Variants in PCDH9 observed in about 807,000 individuals in gnomAD.
PCDH9 encodes protocadherin-9.
Under a neutral mutation model 70.6 loss-of-function variants are expected in PCDH9, and 24 were observed. That is an observed-to-expected ratio of 0.34 (90% confidence interval 0.25 to 0.48). The LOEUF (loss-of-function observed/expected upper bound fraction) is 0.48, where lower values mean the gene tolerates loss of function less well. PCDH9 is among the 20% of genes least tolerant of loss of function. PCDH9 has a pLI of 0.99. For synonymous variants in PCDH9, 562 were observed against 558.5 expected (o/e 1.01, Z -0.09); for missense variants, 1,281 against 1,503.6 (o/e 0.85, Z 2.45).
In PCDH9 at chr13:66,874,183, T is replaced by G. The variant is rs144898509; in HGVS notation, c.3138+29321A>C. Among the ~76,000 whole-genome samples, 165 of 152,272 alleles carry G rather than the reference T, an allele frequency of 1.1e-3. 3 individuals are homozygous for G. The East Asian group carries it at 0.03, about 27-fold the overall frequency. ...ACATCCTGAGCATTTCTTAATCTGA[T>G]GTAAGAGAATATTATCATTTTCAGT... On this transcript the variant is annotated intron_variant, in intron 3 of 4. Transcript: ENST00000377865.
chr13:67,046,792 G>A (rs1439921951), intron 2 of PCDH9, among the ~76,000 whole-genome samples: 1 of 151,804 alleles, frequency 6.6e-6, no homozygotes, highest in Non-Finnish European at 1.5e-5. Context: ...CTGAGGAGGA[G>A]AAAATATAAA....
chr13:66,618,901 A>C (rs537271654), intron 4 of PCDH9, among the ~76,000 whole-genome samples: 1 of 152,296 alleles, frequency 6.6e-6, no homozygotes, highest in South Asian at 2.1e-4. Context: ...CATTACCCTT[A>C]CTTTACACTA....
chr13:66,340,736 A>G (rs561310132), intron 4 of PCDH9, among the ~76,000 whole-genome samples: 159 of 152,344 alleles, frequency 1.0e-3, no homozygotes, highest in African/African-American at 3.7e-3. Context: ...TTATACAAAG[A>G]GGTGAGGTGT....
At chr13:66,965,350 C>CTG (rs1349382771) in intron 2 of PCDH9, among the ~76,000 whole-genome samples, 1 of 152,072 alleles carries the variant, frequency 6.6e-6, no homozygotes, top group African/African-American at 2.4e-5. Context: ...ATTTCAACAT[C>CTG]TGTTCTCATT....
rs576330612 is a variant in PCDH9, at chr13:66,983,163, G to A, written c.3037-79558C>T. ...GTTGATCTGTGCAGCAAATCACCAC[G>A]GCAGACGTTTACCTATGTAAAAAAA... On this transcript the variant is annotated intron_variant, in intron 2 of 4. Transcript: ENST00000377865. Among the ~76,000 whole-genome samples the A allele has an allele frequency of 3.3e-5, 5 of 151,998 alleles. No homozygotes were observed. The South Asian group carries it at 6.3e-4, about 19-fold the overall frequency.
chr13:66,755,311 T>C (rs1257700529), intron 3 of PCDH9, among the ~76,000 whole-genome samples: 2 of 152,164 alleles, frequency 1.3e-5, no homozygotes, highest in Non-Finnish European at 2.9e-5. Context: ...AGTTAGTGTA[T>C]TGTAAACACT....
At chr13:66,344,389 G>C (rs1956180383) in intron 4 of PCDH9, among the ~76,000 whole-genome samples, 1 of 152,160 alleles carries the variant, frequency 6.6e-6, no homozygotes, top group South Asian at 2.1e-4. Context: ...GCCTCCCAAA[G>C]TGCTGGGATT....
chr13:67,036,593 G>GA (rs1211071171), intron 2 of PCDH9, among the ~76,000 whole-genome samples: 5 of 152,116 alleles, frequency 3.3e-5, no homozygotes, highest in Non-Finnish European at 5.9e-5. Context: ...CAGGTTTTTT[G>GA]ACATGTTGTT....
intron 4 of PCDH9, among the ~76,000 whole-genome samples, chr13:66,481,957 CA>C (rs563418871): frequency 8.8e-4 from 134 of 152,174 alleles, no homozygotes; most frequent in African/African-American, 3.2e-3. Context: ...CACACACACA[CA>C]CACACACAAA....
chr13:66,891,825 T>C (rs1276320843), intron 3 of PCDH9, among the ~76,000 whole-genome samples: 1 of 152,030 alleles, frequency 6.6e-6, no homozygotes, highest in African/African-American at 2.4e-5. Flanking sequence ...CATTTTTTTT[T>C]TGTTTTGTTT....
intron 2 of PCDH9, among the ~76,000 whole-genome samples, chr13:67,169,923 A>G (rs1009868589): frequency 6.6e-5 from 10 of 152,182 alleles, no homozygotes; most frequent in African/African-American, 2.4e-4. Flanking sequence ...CTGGCAATAC[A>G]TCCAGCTCCT....
At chr13:66,567,666 C>T (rs2076672993) in intron 4 of PCDH9, among the ~76,000 whole-genome samples, 1 of 152,168 alleles carries the variant, frequency 6.6e-6, no homozygotes, top group Non-Finnish European at 1.5e-5. Context: ...ACACAGCTTA[C>T]CACCATTATC....
chr13:66,783,015 T>C (rs2080024267), intron 3 of PCDH9, among the ~76,000 whole-genome samples: 1 of 152,208 alleles, frequency 6.6e-6, no homozygotes, highest in Admixed American at 6.6e-5. Context: ...AAGGCAGGTC[T>C]ACAGCTAGAA....
At chr13:66,420,120 T>C (rs1957537678) in intron 4 of PCDH9, among the ~76,000 whole-genome samples, 1 of 152,146 alleles carries the variant, frequency 6.6e-6, no homozygotes, top group African/African-American at 2.4e-5. Flanking sequence ...ACTGCCTCTC[T>C]AGATTCCTCC....
intron 2 of PCDH9, among the ~76,000 whole-genome samples, chr13:66,970,288 G>A (rs2139745461): frequency 6.6e-6 from 1 of 151,942 alleles, no homozygotes. Context: ...GGGTCTTCGT[G>A]CATACTGAGA....
At chr13:66,317,944 T>G (rs544614967) in intron 4 of PCDH9, among the ~76,000 whole-genome samples, 1 of 152,094 alleles carries the variant, frequency 6.6e-6, no homozygotes, top group South Asian at 2.1e-4. Flanking sequence ...CAGCTGTACA[T>G]AAAGAAAAAC....
At chr13:66,597,009 A>G (rs1317201281) in intron 4 of PCDH9, among the ~76,000 whole-genome samples, 1 of 151,542 alleles carries the variant, frequency 6.6e-6, no homozygotes, top group Non-Finnish European at 1.5e-5. Context: ...TGGATATCCA[A>G]TTGACTTAGT....
chr13:67,063,921 G>A (rs777906728), intron 2 of PCDH9, among the ~76,000 whole-genome samples: 1 of 152,146 alleles, frequency 6.6e-6, no homozygotes, highest in Non-Finnish European at 1.5e-5. Context: ...CAAGAGTCCA[G>A]CCTATAGGAA....
intron 4 of PCDH9, among the ~76,000 whole-genome samples, chr13:66,578,664 C>T (rs2076848593): frequency 6.6e-6 from 1 of 152,054 alleles, no homozygotes; most frequent in African/African-American, 2.4e-5. Flanking sequence ...TCCAATAGTT[C>T]ATGCATTAAG....
Sources: allele counts gnomAD v4.1 joint callset (sites outside exome capture counted in the v4.1 genomes callset), GRCh38; gene constraint gnomAD v4.1.1; transcripts MANE v1.5; gene names NCBI Gene and HGNC (gene_info 2026-07-23, HGNC 2026-07-21).